The following C6orf62 variants were observed in gnomAD, a reference collection of about 807,000 sequenced individuals.
C6orf62 encodes uncharacterized protein C6orf62.
A neutral mutation model predicts 26.8 loss-of-function variants in C6orf62; 16 were observed. The observed-to-expected ratio is 0.60, with a 90% confidence interval of 0.40 to 0.91. The LOEUF is 0.91. Ranked by LOEUF, C6orf62 falls within the 40% of genes least tolerant of loss-of-function variation. C6orf62 has a pLI of 0.00. For synonymous variants in C6orf62, 112 were observed against 91.5 expected (o/e 1.22, Z -1.28); for missense variants, 192 against 271.4 (o/e 0.71, Z 2.06).
rs1025565949 is a variant in C6orf62, at chr6:24,708,833, C to T, written c.508G>A (p.Val170Ile). The T allele has an allele frequency of 5.0e-6, 8 of 1,614,168 alleles. No homozygotes were observed. The highest frequency in any genetic ancestry group is 1.7e-5 in the Admixed American group (1 of 60,020). The change falls in exon 4 of 5, where the codon GTT becomes ATT. Residue 170 changes from valine (V) to isoleucine (I), a missense_variant. Transcript: ENST00000378119. ...VLSRKDKTGI[V>I]VNNPNQSVFL... ...ACTGACTGGTTAGGATTGTTGACAA[C>T]GATTCCAGTCTTGTCCTTGCGGCTC... is the stretch of plus-strand genomic sequence containing the variant.
At chr6:24,718,436 T>TC in intron 1 of C6orf62, 104 bp downstream of exon 1, 1 of 1,195,404 alleles carries the variant, frequency 8.4e-7, no homozygotes. Context: ...AGACTTTTTT[T>TC]CAACCACTCT....
chr6:24,713,274 G>A (rs1457714652), intron 3 of C6orf62, among the ~76,000 whole-genome samples: 2 of 152,124 alleles, frequency 1.3e-5, no homozygotes, highest in Admixed American at 6.5e-5. Flanking sequence ...TAAGTCAGGG[G>A]AATCTGTATA....
chr6:24,707,484 A>G (rs1779031901), intron 4 of C6orf62, among the ~76,000 whole-genome samples: 1 of 151,766 alleles, frequency 6.6e-6, no homozygotes, highest in Non-Finnish European at 1.5e-5. Flanking sequence ...CAGCCTCCAG[A>G]GTAGCTAGGA....
chr6:24,716,060 A>G (rs773736708), intron 2 of C6orf62, 88 bp downstream of exon 2: 39 of 963,188 alleles, frequency 4.0e-5, no homozygotes, highest in Non-Finnish European at 6.1e-5. Context: ...TATCATAACT[A>G]TCCACTTTAA....
chr6:24,714,740 C>T (rs1779189888), intron 2 of C6orf62, among the ~76,000 whole-genome samples: 1 of 152,106 alleles, frequency 6.6e-6, no homozygotes, highest in Non-Finnish European at 1.5e-5. Flanking sequence ...CTTAGCCTCC[C>T]GAATGGCTGG....
At chr6:24,719,243 T>C (rs1779303786), upstream of C6orf62, 3 of 987,464 alleles carry the variant, frequency 3.0e-6, no homozygotes, top group South Asian at 1.4e-4. Flanking sequence ...AATATCCAAT[T>C]AGATTTTACC....
chr6:24,707,247 C>T (rs1779028092), intron 4 of C6orf62: 1 of 152,182 alleles, frequency 6.6e-6, no homozygotes, highest in South Asian at 2.1e-4. Context: ...AAGCAACATG[C>T]TCACAGCAGT....
At chr6:24,720,832 C>G (rs1462135708), upstream of C6orf62, 1 of 152,266 alleles carries the variant, frequency 6.6e-6, no homozygotes, top group African/African-American at 2.4e-5. Context: ...GGCAGAGTCG[C>G]GTTTGAGAAA....
In C6orf62 at chr6:24,718,725, T is replaced by G; in HGVS notation, c.-57A>C. 6.3e-7 allele frequency: 1 copy of G among 1,598,400 alleles called. No individual in the cohort carries two copies. Among genetic ancestry groups the G allele is most frequent in the Non-Finnish European group, 8.5e-7 (1 of 1,176,592 alleles). On this transcript the variant is annotated 5_prime_UTR_variant, in exon 1 of 5. Coordinates refer to ENST00000378119, the MANE Select transcript of C6orf62 (RefSeq NM_030939.5). ...AAATTGTCACTAAACTATGGGCACT[T>G]TTTCTTAAGACTCAAGTACAACAGA...
upstream of C6orf62, chr6:24,720,282 A>C: frequency 7.7e-7 from 1 of 1,300,060 alleles, no homozygotes; most frequent in Non-Finnish European, 9.7e-7. Context: ...GCGGCGGCGG[A>C]AGAGGCGGCG....
rs1778984213 is a variant in C6orf62, at chr6:24,705,269, C to G, written c.*868G>C. ...AAAACCAGCATTTCTGCACAATTCA[C>G]TGGAATTTTTTTCTTTGTAATAAAA... On this transcript the variant is annotated 3_prime_UTR_variant, in exon 5 of 5. Transcript: ENST00000378119. 2 of 152,558 alleles carry G rather than the reference C, an allele frequency of 1.3e-5. No individual in the cohort carries two copies. The highest frequency in any genetic ancestry group is 2.9e-5 in the Non-Finnish European group (2 of 68,014). The allele number at this position is 152,558 out of a possible 1,614,324, so 9.5% of individuals were successfully genotyped here. A position where few individuals can be genotyped will look rare whatever the true frequency, so the allele number is the denominator to read the frequency against.
chr6:24,719,160 A>G, upstream of C6orf62: 1 of 903,738 alleles, frequency 1.1e-6, no homozygotes, highest in Non-Finnish European at 1.3e-6. Context: ...CTTTCCAAAA[A>G]AAAAAAAAAA....
intron 3 of C6orf62, among the ~76,000 whole-genome samples, chr6:24,713,543 T>G (rs903728012): frequency 2.6e-5 from 4 of 152,190 alleles, no homozygotes; most frequent in African/African-American, 9.7e-5. Context: ...AATATTTGAT[T>G]TAGTGTACTT....
intron 1 of C6orf62, 89 bp downstream of exon 1, chr6:24,718,451 C>T (rs549824126): frequency 2.6e-5 from 34 of 1,299,240 alleles, no homozygotes; most frequent in Middle Eastern, 4.7e-4. Flanking sequence ...CACTCTTTAA[C>T]CTAATATTCA....
Position 24,706,006 on chromosome 6 carries a change from A to G in C6orf62, c.*131T>C, listed in dbSNP as rs1778999444. 4 of 1,299,104 alleles carry G rather than the reference A, an allele frequency of 3.1e-6. No individual in the cohort carries two copies. In the African/African-American group the frequency reaches 4.5e-5, roughly 14 times the overall value. 80.5% of individuals were successfully genotyped at this position (1,299,104 alleles called of 1,614,324 possible). A position where few individuals can be genotyped will look rare whatever the true frequency, so the allele number is the denominator to read the frequency against. Reference sequence around the variant, plus strand: ...GATTTAAAAAAATCCAGGATGAACAAGTTTCAAAATGCATAGTGTTCTGTG... The same window carrying G: ...GATTTAAAAAAATCCAGGATGAACAGGTTTCAAAATGCATAGTGTTCTGTG... On this transcript the variant is annotated 3_prime_UTR_variant, in exon 5 of 5. Transcript: ENST00000378119.
intron 4 of C6orf62, among the ~76,000 whole-genome samples, chr6:24,708,067 G>A (rs1779046706): frequency 6.7e-6 from 1 of 149,142 alleles, no homozygotes; most frequent in Admixed American, 7.0e-5. Flanking sequence ...CAAATCACCT[G>A]AGGGTTCTGT....
chr6:24,706,396 T>C, intron 4 of C6orf62, 134 bp from the exon 5 acceptor site: 5 of 1,313,952 alleles, frequency 3.8e-6, no homozygotes, highest in Non-Finnish European at 5.0e-6. Flanking sequence ...CCTATCCATA[T>C]TCTAGACAGA....
chr6:24,719,979 G>C, upstream of C6orf62: 4 of 1,545,078 alleles, frequency 2.6e-6, no homozygotes, highest in Non-Finnish European at 3.5e-6. Flanking sequence ...GGGAAAAAAA[G>C]AAAATAATTG....
chr6:24,708,840 A>G lies in C6orf62; in HGVS notation c.501T>C (p.Thr167=). The change falls in exon 4 of 5, where the codon ACT becomes ACC. Residue 167 remains threonine, a synonymous_variant. Transcript: ENST00000378119. ...GGTTAGGATTGTTGACAACGATTCC[A>G]GTCTTGTCCTTGCGGCTCAGTACAT... is the stretch of plus-strand genomic sequence containing the variant. The part of the protein sequence containing the change: ...FLHVLSRKDK[T]GIVVNNPNQS... 1.2e-6 allele frequency: 2 copies of G among 1,614,230 alleles called. No individual in the cohort carries two copies. The highest frequency in any genetic ancestry group is 1.1e-5 in the South Asian group (1 of 91,086).
Sources: allele counts gnomAD v4.1 joint callset (sites outside exome capture counted in the v4.1 genomes callset), GRCh38; gene constraint gnomAD v4.1.1; transcripts MANE v1.5; gene names NCBI Gene and HGNC (gene_info 2026-07-23, HGNC 2026-07-21).